Variants in RAB11FIP4 observed in about 807,000 individuals in gnomAD.
RAB11FIP4 encodes the protein rab11 family-interacting protein 4.
Under a neutral mutation model 74.3 loss-of-function variants are expected in RAB11FIP4, and 23 were observed. The observed-to-expected ratio is 0.31, with a 90% confidence interval of 0.22 to 0.44. The LOEUF (loss-of-function observed/expected upper bound fraction) is 0.44. Among genes scored for constraint, RAB11FIP4 ranks in the 20% least tolerant of loss-of-function variants. The pLI, the probability that RAB11FIP4 is intolerant of heterozygous loss-of-function variation, is 1.00. For synonymous variants in RAB11FIP4, 360 were observed against 359.9 expected (o/e 1.00, Z 0.00); for missense variants, 630 against 863.9 (o/e 0.73, Z 3.39).
intron 1 of RAB11FIP4, among the ~76,000 whole-genome samples, chr17:31,406,114 C>T (rs937010723): frequency 6.6e-6 from 1 of 152,220 alleles, no homozygotes; most frequent in Admixed American, 6.5e-5. Context: ...AGGGTGGGGC[C>T]CAGGGATACT....
At chr17:31,479,477 T>C (rs914421424) in intron 3 of RAB11FIP4, among the ~76,000 whole-genome samples, 5 of 152,176 alleles carry the variant, frequency 3.3e-5, no homozygotes, top group African/African-American at 1.2e-4. Context: ...GCCAGACATG[T>C]TAGGAGCTTA....
intron 3 of RAB11FIP4, among the ~76,000 whole-genome samples, chr17:31,445,616 T>A (rs527717641): frequency 7.5e-6 from 1 of 133,310 alleles, no homozygotes; most frequent in African/African-American, 2.8e-5. Context: ...CACGGAGTCT[T>A]GCTCTGTCAC....
chr17:31,522,221 C>A, intron 6 of RAB11FIP4, 139 bp from the exon 7 acceptor site: 1 of 1,270,976 alleles, frequency 7.9e-7, no homozygotes, highest in South Asian at 1.4e-5. Context: ...TGTTTCTTCT[C>A]AGGACCAAGC....
chr17:31,507,798 T>G (rs931613617), intron 3 of RAB11FIP4, among the ~76,000 whole-genome samples: 4 of 152,146 alleles, frequency 2.6e-5, no homozygotes, highest in African/African-American at 9.7e-5. Flanking sequence ...TGGCTTAGAT[T>G]TTTAGTAATA....
At chr17:31,429,378 G>A (rs773886945) in intron 1 of RAB11FIP4, among the ~76,000 whole-genome samples, 1 of 152,186 alleles carries the variant, frequency 6.6e-6, no homozygotes, top group Non-Finnish European at 1.5e-5. Context: ...ATAGACTTGG[G>A]TGTGCAACCG....
At chr17:31,443,880 A>C (rs544770675) in intron 3 of RAB11FIP4, among the ~76,000 whole-genome samples, 108 of 152,360 alleles carry the variant, frequency 7.1e-4, no homozygotes, top group Non-Finnish European at 1.2e-3. Context: ...GTGCCACTGC[A>C]CTCCAGGCTG....
chr17:31,415,812 G>A (rs916467000), intron 1 of RAB11FIP4, among the ~76,000 whole-genome samples: 4 of 152,110 alleles, frequency 2.6e-5, no homozygotes, highest in Non-Finnish European at 5.9e-5. Flanking sequence ...CAGCCCCCCT[G>A]CGGACGGTCT....
At chr17:31,490,772 G>T (rs1028388034) in intron 3 of RAB11FIP4, among the ~76,000 whole-genome samples, 2 of 152,176 alleles carry the variant, frequency 1.3e-5, no homozygotes, top group African/African-American at 2.4e-5. Flanking sequence ...GTCCAGGCTG[G>T]TCTTAAACTC....
intron 2 of RAB11FIP4, among the ~76,000 whole-genome samples, 161 bp from the exon 3 acceptor site, chr17:31,433,873 C>T (rs970126566): frequency 2.0e-5 from 3 of 152,230 alleles, no homozygotes; most frequent in African/African-American, 7.2e-5. Flanking sequence ...TTCCCCACCG[C>T]CTGGGCTCCA....
rs59428772 is a variant in RAB11FIP4, at chr17:31,525,477, T to C, written c.1274+247T>C. On this transcript the variant is annotated intron_variant, in intron 10 of 14. Transcript: ENST00000621161. ...TTTGGTAATGCAAACCACACAAATG[T>C]CTGTCAGAGAAAAGGGCCTGGGCTG... The C allele has an allele frequency of 6.0e-3, 3,191 of 532,782 alleles. 82 individuals are homozygous for C. The highest frequency in any genetic ancestry group is 0.056 in the African/African-American group (2,896 of 51,666). 33.0% of individuals were successfully genotyped at this position (532,782 alleles called of 1,614,324 possible). A position where few individuals can be genotyped will look rare whatever the true frequency, so the allele number is the denominator to read the frequency against.
At chr17:31,483,644 A>G (rs570612857) in intron 3 of RAB11FIP4, among the ~76,000 whole-genome samples, 3 of 152,142 alleles carry the variant, frequency 2.0e-5, no homozygotes, top group Non-Finnish European at 4.4e-5. Flanking sequence ...TCAGTTTGAG[A>G]ACAACTTGCC....
intron 3 of RAB11FIP4, among the ~76,000 whole-genome samples, chr17:31,456,683 T>C (rs1471313127): frequency 6.6e-6 from 1 of 152,242 alleles, no homozygotes; most frequent in East Asian, 1.9e-4. Flanking sequence ...AAATCTGCCT[T>C]TCCATTTAAT....
chr17:31,468,080 AG>A (rs768349055), intron 3 of RAB11FIP4, among the ~76,000 whole-genome samples: 5 of 152,182 alleles, frequency 3.3e-5, no homozygotes, highest in Non-Finnish European at 5.9e-5. Context: ...CAGTGCTTCC[AG>A]GAGCTGGAAA....
intron 1 of RAB11FIP4, among the ~76,000 whole-genome samples, chr17:31,394,014 G>A (rs547301694): frequency 1.3e-5 from 2 of 152,222 alleles, no homozygotes; most frequent in Admixed American, 6.5e-5. Context: ...TCTGGCCACC[G>A]AAACCTCCAG....
intron 3 of RAB11FIP4, among the ~76,000 whole-genome samples, chr17:31,443,788 G>T (rs926107026): frequency 6.6e-6 from 1 of 152,210 alleles, no homozygotes; most frequent in Non-Finnish European, 1.5e-5. Flanking sequence ...GATGGGGCAT[G>T]CCTGTAATCC....
At chr17:31,420,294 A>G (rs2071186794) in intron 1 of RAB11FIP4, among the ~76,000 whole-genome samples, 1 of 152,084 alleles carries the variant, frequency 6.6e-6, no homozygotes, top group Non-Finnish European at 1.5e-5. Context: ...GCAGTGGTGT[A>G]ATCAAGGCTC....
intron 1 of RAB11FIP4, among the ~76,000 whole-genome samples, chr17:31,410,156 C>A (rs779937528): frequency 2.0e-5 from 3 of 152,072 alleles, no homozygotes; most frequent in Admixed American, 6.5e-5. Context: ...AAGCCCTTTA[C>A]CGAGAGGAGT....
intron 3 of RAB11FIP4, among the ~76,000 whole-genome samples, chr17:31,484,673 G>A (rs187652465): frequency 2.5e-4 from 38 of 152,012 alleles, no homozygotes; most frequent in Admixed American, 7.2e-4. Flanking sequence ...CTGCTGGAAA[G>A]TGTTAGCCCT....
intron 1 of RAB11FIP4, chr17:31,392,807 T>A (rs2070888204): frequency 6.6e-6 from 1 of 152,332 alleles, no homozygotes; most frequent in African/African-American, 2.4e-5. Flanking sequence ...GCATGGGGAC[T>A]GGGGACTGTG....
Sources: gnomAD v4.1 joint callset for allele counts (sites outside exome capture counted in the v4.1 genomes callset) on GRCh38, gnomAD v4.1.1 for gene constraint, MANE v1.5 for transcripts, NCBI Gene and HGNC (gene_info 2026-07-23, HGNC 2026-07-21) for gene names.